The following NMNAT2 variants were observed in gnomAD, a reference collection of about 807,000 sequenced individuals.
NMNAT2 encodes the protein nicotinamide nucleotide adenylyltransferase 2, also known as nicotinamide/nicotinic acid mononucleotide adenylyltransferase 2.
NMNAT2 carries 11 observed loss-of-function variants against 41.6 expected under a neutral mutation model. The observed-to-expected ratio is 0.26, with a 90% confidence interval of 0.17 to 0.44. The LOEUF (loss-of-function observed/expected upper bound fraction) is 0.44. Ranked by LOEUF, NMNAT2 falls within the 20% of genes least tolerant of loss-of-function variation. The probability of loss-of-function intolerance (pLI) is 1.00; values close to 1 mark genes in which losing one functional copy is unlikely to be tolerated. For missense variants in NMNAT2, 288 were observed against 407.7 expected, an observed-to-expected ratio of 0.71 and a Z score of 2.53; for synonymous variants, 148 against 151.2, an observed-to-expected ratio of 0.98 and a Z score of 0.16.
intron 1 of NMNAT2, among the ~76,000 whole-genome samples, chr1:183,371,361 C>T (rs553388827): frequency 1.3e-4 from 20 of 152,150 alleles, no homozygotes; most frequent in South Asian, 2.1e-4. Context: ...GTTAGGGCAA[C>T]GCAACTACTC....
At chr1:183,356,430 G>A (rs1243115822) in intron 1 of NMNAT2, among the ~76,000 whole-genome samples, 1 of 152,206 alleles carries the variant, frequency 6.6e-6, no homozygotes, top group Non-Finnish European at 1.5e-5. Flanking sequence ...ACTAGGGAAT[G>A]ACCCAGCGTA....
intron 1 of NMNAT2, among the ~76,000 whole-genome samples, chr1:183,298,991 C>G (rs530296904): frequency 6.6e-6 from 1 of 152,152 alleles, no homozygotes; most frequent in African/African-American, 2.4e-5. Context: ...TAATCAAATA[C>G]GGGAAACAAC....
chr1:183,387,128 T>C (rs1000213651), intron 1 of NMNAT2, among the ~76,000 whole-genome samples: 5 of 151,054 alleles, frequency 3.3e-5, no homozygotes, highest in African/African-American at 9.7e-5. Context: ...ATTAATAATA[T>C]ATAGAGTATA....
intron 1 of NMNAT2, among the ~76,000 whole-genome samples, chr1:183,384,814 T>C (rs1301307103): frequency 6.6e-6 from 1 of 152,138 alleles, no homozygotes; most frequent in Admixed American, 6.5e-5. Context: ...CTGTGGTATA[T>C]TGGGTGCCCT....
intron 1 of NMNAT2, among the ~76,000 whole-genome samples, chr1:183,404,608 G>C (rs900469617): frequency 1.3e-5 from 2 of 152,180 alleles, no homozygotes; most frequent in Admixed American, 6.5e-5. Flanking sequence ...CATTTCAGAG[G>C]AAGAATGGCC....
At chr1:183,403,611 C>T (rs939774660) in intron 1 of NMNAT2, among the ~76,000 whole-genome samples, 5 of 152,230 alleles carry the variant, frequency 3.3e-5, no homozygotes, top group African/African-American at 4.8e-5. Flanking sequence ...AAGTGCAGTG[C>T]GAAGGGCAAA....
chr1:183,290,951 C>G (rs1291052300), intron 3 of NMNAT2, among the ~76,000 whole-genome samples: 1 of 152,190 alleles, frequency 6.6e-6, no homozygotes, highest in Admixed American at 6.5e-5. Context: ...GAGTCTTGGT[C>G]TGTCACCCAG....
chr1:183,313,608 C>G (rs1662176870), intron 1 of NMNAT2, among the ~76,000 whole-genome samples: 2 of 152,074 alleles, frequency 1.3e-5, no homozygotes, highest in Admixed American at 6.6e-5. Context: ...GCCTCAGTCC[C>G]TCTGGTAGCT....
intron 1 of NMNAT2, among the ~76,000 whole-genome samples, chr1:183,363,914 A>G (rs542863246): frequency 1.3e-5 from 2 of 152,254 alleles, no homozygotes; most frequent in East Asian, 1.9e-4. Flanking sequence ...AGAATGTTTA[A>G]TTTCCTGATG....
intron 1 of NMNAT2, among the ~76,000 whole-genome samples, chr1:183,411,871 G>A (rs1046082830): frequency 6.6e-6 from 1 of 152,160 alleles, no homozygotes; most frequent in African/African-American, 2.4e-5. Context: ...CAGGGGAGTA[G>A]GTTCTGCCAA....
chr1:183,417,923 A>C (rs1246417972), intron 1 of NMNAT2, among the ~76,000 whole-genome samples: 2 of 149,296 alleles, frequency 1.3e-5, no homozygotes, highest in Non-Finnish European at 3.0e-5. Flanking sequence ...CCCAAATGAT[A>C]CTCATCTCTA....
intron 1 of NMNAT2, among the ~76,000 whole-genome samples, chr1:183,314,520 C>T (rs571601011): frequency 1.3e-5 from 2 of 152,226 alleles, no homozygotes; most frequent in Non-Finnish European, 2.9e-5. Flanking sequence ...TGGCACCCAA[C>T]TGATGCTCAG....
At chr1:183,406,776 A>G (rs1308593643) in intron 1 of NMNAT2, among the ~76,000 whole-genome samples, 3 of 151,784 alleles carry the variant, frequency 2.0e-5, no homozygotes, top group African/African-American at 7.3e-5. Flanking sequence ...TCAAACTGCA[A>G]CTAAATAAAA....
chr1:183,416,051 T>A (rs1649242464), intron 1 of NMNAT2, among the ~76,000 whole-genome samples: 1 of 152,236 alleles, frequency 6.6e-6, no homozygotes, highest in Non-Finnish European at 1.5e-5. Context: ...TCCTTTCACC[T>A]TTCTATATCT....
intron 10 of NMNAT2, among the ~76,000 whole-genome samples, chr1:183,254,477 T>C (rs1660469970): frequency 6.6e-6 from 1 of 152,052 alleles, no homozygotes; most frequent in South Asian, 2.1e-4. Flanking sequence ...CTCACTCTGT[T>C]GCCCAGGCTG....
At chr1:183,338,884 T>A (rs1414013342) in intron 1 of NMNAT2, among the ~76,000 whole-genome samples, 2 of 151,948 alleles carry the variant, frequency 1.3e-5, no homozygotes, top group Non-Finnish European at 2.9e-5. Context: ...CCAGGCAACT[T>A]TTGGAGACTC....
At chr1:183,329,886 C>T (rs1662544795) in intron 1 of NMNAT2, among the ~76,000 whole-genome samples, 1 of 152,178 alleles carries the variant, frequency 6.6e-6, no homozygotes, top group African/African-American at 2.4e-5. Flanking sequence ...AAATGCATTG[C>T]ATAGGGTCAC....
intron 1 of NMNAT2, among the ~76,000 whole-genome samples, chr1:183,371,377 G>T (rs948756001): frequency 6.6e-6 from 1 of 152,206 alleles, no homozygotes; most frequent in Non-Finnish European, 1.5e-5. Context: ...TACTCTATGT[G>T]ATACTGTGGA....
At chr1:183,254,156 C>A (rs1660462483) in intron 10 of NMNAT2, among the ~76,000 whole-genome samples, 1 of 152,032 alleles carries the variant, frequency 6.6e-6, no homozygotes, top group African/African-American at 2.4e-5. Context: ...TCTTTAGGAA[C>A]CTCTATTCTG....
Sources: gnomAD v4.1 joint callset for allele counts (sites outside exome capture counted in the v4.1 genomes callset) on GRCh38, gnomAD v4.1.1 for gene constraint, MANE v1.5 for transcripts, NCBI Gene and HGNC (gene_info 2026-07-23, HGNC 2026-07-21) for gene names.